The following MYH6 variants were observed in gnomAD, a reference collection of about 807,000 sequenced individuals.
MYH6 encodes myosin-6.
A neutral mutation model predicts 223.2 loss-of-function variants in MYH6; 126 were observed. That is an observed-to-expected ratio of 0.56 (90% CI 0.49 to 0.65). MYH6 has a LOEUF of 0.65. MYH6 is among the 30% of genes least tolerant of loss of function. The pLI, the probability that MYH6 is intolerant of heterozygous loss-of-function variation, is 0.00. For synonymous variants in MYH6, 978 were observed against 1,010.2 expected (o/e 0.97, Z 0.61); for missense variants, 2,040 against 2,536.4 (o/e 0.80, Z 4.20).
In MYH6 at chr14:23,384,532, C is replaced by T. The variant is rs79143968; in HGVS notation, c.5475G>A (p.Glu1825=). ...QKLEARVREL[E]GELEAEQKRN... ...GCTTCTGCTCGGCCTCCAGCTCACC[C>T]TCCAGCTCCCGCACCCGCGCTTCCA... The change falls in exon 36 of 39, where the codon GAG becomes GAA. Residue 1825 remains glutamate, a synonymous_variant. Coordinates refer to ENST00000405093, the MANE Select transcript of MYH6 (RefSeq NM_002471.4). The T allele has an allele frequency of 2.5e-3, 4,002 of 1,613,426 alleles. 67 individuals carry two copies. In the East Asian group the frequency reaches 0.04, roughly 16 times the overall value.
chr14:23,407,350 G>T lies in MYH6; in HGVS notation c.-13-114C>A. ...CCCGCTCCTCTCCTCCACCCTGGGA[G>T]AGGCACCTGCTGTTGCACCCTCCCC... On this transcript the variant is annotated intron_variant, in intron 2 of 38. Transcript: ENST00000405093. This position sits in a 1 kb window ranked among gnomAD's most constrained non-coding sequence, Gnocchi z 5.6. The T allele has an allele frequency of 7.7e-7, 1 of 1,305,236 alleles. No homozygotes were observed. The highest frequency in any genetic ancestry group is 2.4e-5 in the East Asian group (1 of 41,618). 80.9% of individuals were successfully genotyped at this position (1,305,236 alleles called of 1,614,324 possible).
Position 23,396,103 on chromosome 14 carries a change from TA to T in MYH6, c.2429+180del, listed in dbSNP as rs71425088. Among the ~76,000 whole-genome samples, 681 of 142,700 alleles carry T rather than the reference TA, an allele frequency of 4.8e-3. 3 individuals are homozygous for T. Among genetic ancestry groups the T allele is most frequent in the African/African-American group, 9.5e-3 (366 of 38,710 alleles). 93.6% of individuals were successfully genotyped at this position (142,700 alleles called of 152,430 possible). On this transcript the variant is annotated intron_variant, in intron 20 of 38. Transcript: ENST00000405093. ...GCATTTTCCTATAGAGAAGTTTCTT[TA>T]AAAAAAAAAAAAGAAGAAGAAGAAG...
At position 23,389,506 on chromosome 14, in the gene MYH6, ACT is replaced by A. The variant is rs1875850581; in HGVS notation, c.3863_3864del (p.Glu1288ValfsTer53). The A allele has an allele frequency of 6.2e-7, 1 of 1,614,044 alleles. No homozygotes were observed. The highest frequency in any genetic ancestry group is 8.5e-7 in the Non-Finnish European group (1 of 1,180,000). On this transcript the variant is annotated frameshift_variant, in exon 28 of 39. Transcript: ENST00000405093. LOFTEE classifies it high-confidence loss of function. Reference sequence around the variant, plus strand: ...TCCTTTTCCTCTAGCTGCCGGGCCAACTCTCCTGGAGGTGAAATGAGGGGCTT... The same window carrying A: ...TCCTTTTCCTCTAGCTGCCGGGCCAACTCCTGGAGGTGAAATGAGGGGCTT... ...QRAKLQTENG[E>X]LARQLEEKEA...
chr14:23,389,826 A>T, intron 26 of MYH6, 107 bp from the exon 27 acceptor site: 1 of 1,586,716 alleles, frequency 6.3e-7, no homozygotes, highest in South Asian at 1.1e-5. Flanking sequence ...AGGGGGACAC[A>T]GAAGGTGTGG....
At position 23,382,051 on chromosome 14, in the gene MYH6, C is replaced by T. The variant is rs878854503; in HGVS notation, c.5809G>A (p.Asp1937Asn). The change falls in exon 39 of 39, where the codon GAT (aspartate) becomes AAT (asparagine). Residue 1937 changes from aspartate to asparagine, a missense_variant. This residue lies in a region of MYH6 where 1,203 missense variants were observed against 1,400.2 expected (regional missense o/e 0.86). Coordinates refer to ENST00000405093, the MANE Select transcript of MYH6 (RefSeq NM_002471.4). ...RDIGAKQKMH[D>N]EE ...TTCCCGAGGCAGTGTCACTCCTCAT[C>T]GTGCATTTTTTGCTGCAAAAAGAAT... 37 of 1,614,040 alleles carry T rather than the reference C, an allele frequency of 2.3e-5. No individual in the cohort carries two copies. The highest frequency in any genetic ancestry group is 2.8e-5 in the Non-Finnish European group (33 of 1,180,014).
chr14:23,389,793 G>T (rs989428855), intron 26 of MYH6, 74 bp from the exon 27 acceptor site: 5 of 1,611,152 alleles, frequency 3.1e-6, no homozygotes, highest in Non-Finnish European at 3.4e-6. Flanking sequence ...GAGGGTCAGA[G>T]ATGGGGAATG....
rs759126258 is a variant in MYH6, at chr14:23,383,225, C to T, written c.5661G>A (p.Ala1887=). ...AAAGGGAAGAAAGCTCTGAACTCAC[C>T]GCCTCCTCGGCCTGGCGCTTGTAGG... is the stretch of plus-strand genomic sequence containing the variant. ...VKAYKRQAEE[A]EEQANTNLSK... The change falls in exon 37 of 39, where the codon GCG becomes GCA. Residue 1887 remains alanine, a splice_region_variant and synonymous_variant. Transcript: ENST00000405093. The T allele has an allele frequency of 4.9e-5, 79 of 1,611,090 alleles. No homozygotes were observed. Among genetic ancestry groups the T allele is most frequent in the East Asian group, 1.3e-4 (6 of 44,808 alleles).
At chr14:23,398,253 T>A (rs1891489691) in intron 15 of MYH6, among the ~76,000 whole-genome samples, 1 of 152,122 alleles carries the variant, frequency 6.6e-6, no homozygotes, top group Non-Finnish European at 1.5e-5. Flanking sequence ...CCTGACCTTG[T>A]GATCCACCCG....
At chr14:23,385,891 C>T in intron 34 of MYH6, 37 bp downstream of exon 34, 1 of 1,614,050 alleles carries the variant, frequency 6.2e-7, no homozygotes, top group Non-Finnish European at 8.5e-7. Context: ...GCTCTGCACT[C>T]AGTAGGTTTC....
In MYH6 at chr14:23,405,761, C is replaced by T. The variant is rs773127466; in HGVS notation, c.211G>A (p.Val71Met). The T allele has an allele frequency of 6.2e-7, 1 of 1,614,156 alleles. No homozygotes were observed. The highest frequency in any genetic ancestry group is 1.1e-5 in the South Asian group (1 of 91,084). The change falls in exon 4 of 39, where the codon GTG becomes ATG. Residue 71 changes from valine (V) to methionine (M), a missense_variant. Val to Met is a conservative substitution (Grantham distance 21). Coordinates refer to ENST00000405093, the MANE Select transcript of MYH6 (RefSeq NM_002471.4). The surrounding 1 kb of genome is among the most constrained non-coding windows in gnomAD (Gnocchi z 4.7). ...AETENGKTVT[V>M]KEDQVLQQNP... Reference sequence around the variant, plus strand: ...TGCTGCAACACCTGGTCCTCCTTCACAGTCACCGTCTGGAGGGGGCGCATA... The same window carrying T: ...TGCTGCAACACCTGGTCCTCCTTCATAGTCACCGTCTGGAGGGGGCGCATA...
Position 23,404,718 on chromosome 14 carries a change from G to T in MYH6, c.635C>A (p.Ala212Glu). The T allele has an allele frequency of 6.2e-7, 1 of 1,613,920 alleles. No homozygotes were observed. The highest frequency in any genetic ancestry group is 1.1e-5 in the South Asian group (1 of 91,068). ...CTGTGTCCCCCATGGCACCTTGTTC[G>T]CATTGGCATTGTCCTTCTTGCCACG... is the stretch of plus-strand genomic sequence containing the variant. Reference protein sequence around the residue: ...GDRGKKDNANANKGTLEDQII... With the variant: ...GDRGKKDNANENKGTLEDQII... Residue 212 changes from alanine to glutamate, a missense_variant, in exon 7 of 39, where the codon GCG (alanine) becomes GAG (glutamate). This residue lies in a region of MYH6 where 649 missense variants were observed against 877.3 expected (regional missense o/e 0.74). Coordinates refer to ENST00000405093, the MANE Select transcript of MYH6 (RefSeq NM_002471.4).
At chr14:23,401,772 C>G (rs1034645271) in intron 12 of MYH6, among the ~76,000 whole-genome samples, 1 of 152,222 alleles carries the variant, frequency 6.6e-6, no homozygotes, top group African/African-American at 2.4e-5. Context: ...GTACCACGCT[C>G]CTACCCCCAG....
At chr14:23,399,768 C>G (rs1268065203) in intron 14 of MYH6, 1 of 203,148 alleles carries the variant, frequency 4.9e-6, no homozygotes, top group Admixed American at 5.3e-5. Flanking sequence ...ACAATCCGGG[C>G]TCTGGCCTAT....
chr14:23,387,696 C>T (rs745377905), intron 31 of MYH6, 43 bp from the exon 32 acceptor site: 18 of 1,613,996 alleles, frequency 1.1e-5, no homozygotes, highest in Non-Finnish European at 1.4e-5. Flanking sequence ...TATGTTCCCC[C>T]TGCCCCTGCA....
intron 10 of MYH6, 118 bp downstream of exon 10, chr14:23,403,230 G>C (rs1361067278): frequency 1.1e-6 from 1 of 873,240 alleles, no homozygotes; most frequent in Non-Finnish European, 2.0e-6. Flanking sequence ...GGAGGGAGAA[G>C]GGAAGTGAGC....
chr14:23,391,509 C>G (rs1218643471), intron 25 of MYH6, among the ~76,000 whole-genome samples: 1 of 152,220 alleles, frequency 6.6e-6, no homozygotes, highest in African/African-American at 2.4e-5. Context: ...GGGCAAATTA[C>G]TAATGAAGGC....
chr14:23,388,013 G>C (rs1018902412), intron 30 of MYH6, 90 bp from the exon 31 acceptor site: 1 of 1,603,418 alleles, frequency 6.2e-7, no homozygotes, highest in East Asian at 2.2e-5. Context: ...AGCCTCAGCC[G>C]CATGTCCAAG....
intron 20 of MYH6, 140 bp downstream of exon 20, chr14:23,396,144 G>T: frequency 2.0e-4 from 172 of 853,254 alleles, no homozygotes; most frequent in East Asian, 4.3e-4. Context: ...AGAAGAATTT[G>T]CAATGAGATT....
rs1280448744 is a variant in MYH6, at chr14:23,385,799, G to C, written c.5163+129C>G. ...ATGGTTCTGCAGCCACCACAGATGAGAGTTGGCCTAAGAGAGGAAATGATT... is the reference window on the plus strand; with the variant it reads ...ATGGTTCTGCAGCCACCACAGATGACAGTTGGCCTAAGAGAGGAAATGATT... On this transcript the variant is annotated intron_variant, in intron 34 of 38. Coordinates refer to ENST00000405093, the MANE Select transcript of MYH6 (RefSeq NM_002471.4). 5 of 1,299,090 alleles carry C rather than the reference G, an allele frequency of 3.8e-6. No homozygotes were observed. The East Asian group carries it at 9.5e-5, about 25-fold the overall frequency. The allele number at this position is 1,299,090 out of a possible 1,614,324, so 80.5% of individuals were successfully genotyped here.
Sources: gnomAD v4.1 joint callset for allele counts (sites outside exome capture counted in the v4.1 genomes callset) on GRCh38, gnomAD v4.1.1 for gene constraint, gnomAD v4.1.1 regional missense constraint, Gnocchi (gnomAD v3.1) non-coding constraint, MANE v1.5 for transcripts, NCBI Gene and HGNC (gene_info 2026-07-23, HGNC 2026-07-21) for gene names.